CNTNAP3B: variants seen among roughly 807,000 people sequenced by gnomAD.
CNTNAP3B encodes contactin associated protein family member 3B.
Under a neutral mutation model 108.9 loss-of-function variants are expected in CNTNAP3B, and 25 were observed. The ratio of observed to expected loss-of-function variants is 0.23; its 90% CI spans 0.17 to 0.32. The LOEUF is 0.32. Among genes scored for constraint, CNTNAP3B ranks in the 10% least tolerant of loss-of-function variants. The pLI is 1.00. For missense variants in CNTNAP3B, 252 were observed against 1,210.4 expected (o/e 0.21, Z 11.75); for synonymous variants, 103 against 473.4 (o/e 0.22, Z 10.16).
intron 14 of CNTNAP3B, among the ~76,000 whole-genome samples, chr9:41,933,473 T>C (rs1369166712): frequency 1.1e-4 from 16 of 152,144 alleles, no homozygotes; most frequent in Admixed American, 1.0e-3. Flanking sequence ...GAATAAGTTT[T>C]GTAATTTTTT....
At position 42,129,167 on chromosome 9, in the gene CNTNAP3B, C is replaced by T. The variant is rs1828634851; in HGVS notation, c.-73G>A. 1.3e-5 allele frequency: 20 copies of T among 1,493,052 alleles called. 1 individual carries two copies. Among genetic ancestry groups the T allele is most frequent in the East Asian group, 7.7e-5 (3 of 38,774 alleles). 92.5% of individuals were successfully genotyped at this position (1,493,052 alleles called of 1,614,324 possible). ...TCTGCGTCGTTCCTGCTCTCACTCC[C>T]GCTCTCACTCCCGTCCCCTGCGCGG... On this transcript the variant is annotated 5_prime_UTR_variant, in exon 1 of 24. Coordinates refer to ENST00000377561, the MANE Select transcript of CNTNAP3B (RefSeq NM_001201380.3).
intron 13 of CNTNAP3B, among the ~76,000 whole-genome samples, chr9:41,941,855 C>T (rs1301891600): frequency 6.6e-6 from 1 of 151,672 alleles, no homozygotes; most frequent in Non-Finnish European, 1.5e-5. Flanking sequence ...AACACACCTT[C>T]AAGAGTTTTA....
chr9:41,959,430 G>A (rs1307639547), intron 12 of CNTNAP3B, among the ~76,000 whole-genome samples: 1 of 152,300 alleles, frequency 6.6e-6, no homozygotes, highest in Non-Finnish European at 1.5e-5. Context: ...CCTACCATTA[G>A]CTAGATTTTG....
chr9:41,961,279 G>A (rs1436231888), intron 11 of CNTNAP3B, among the ~76,000 whole-genome samples: 21 of 152,290 alleles, frequency 1.4e-4, no homozygotes, highest in Admixed American at 1.2e-3. Flanking sequence ...AATGTCTAGA[G>A]ACTGTACTTT....
chr9:41,953,499 T>C (rs1824762754), intron 12 of CNTNAP3B, 113 bp from the exon 13 acceptor site: 37 of 1,294,494 alleles, frequency 2.9e-5, no homozygotes, highest in South Asian at 2.0e-4. Flanking sequence ...CATTACTGCA[T>C]GTTTGCCGCG....
At position 42,063,184 on chromosome 9, in the gene CNTNAP3B, G is replaced by A. The variant is rs1374458551; in HGVS notation, c.390+13685C>T. ...TACTAATTAACATCCTTTTCTTTCA[G>A]CCCGAAGAACTTCCTTTAGCATTTC... On this transcript the variant is annotated intron_variant, in intron 3 of 23. Transcript: ENST00000377561. Among the ~76,000 whole-genome samples, 2 of 129,316 alleles carry A rather than the reference G, an allele frequency of 1.5e-5. 1 individual carries two copies. Among genetic ancestry groups the A allele is most frequent in the Admixed American group, 1.6e-4 (2 of 12,858 alleles). The allele number at this position is 129,316 out of a possible 152,430, so 84.8% of individuals were successfully genotyped here. A position where few individuals can be genotyped will look rare whatever the true frequency, so the allele number is the denominator to read the frequency against.
intron 1 of CNTNAP3B, among the ~76,000 whole-genome samples, chr9:42,125,941 C>T (rs992536870): frequency 2.3e-5 from 3 of 132,344 alleles, no homozygotes; most frequent in Non-Finnish European, 4.8e-5. Context: ...TTATAGAGTA[C>T]CATTTGACAC....
intron 2 of CNTNAP3B, among the ~76,000 whole-genome samples, chr9:42,085,989 T>C (rs1446975754): frequency 7.1e-6 from 1 of 141,662 alleles, no homozygotes; most frequent in Non-Finnish European, 1.5e-5. Context: ...CCAGTTTTTG[T>C]CTACTGTATT....
At chr9:42,123,252 A>G in intron 1 of CNTNAP3B, among the ~76,000 whole-genome samples, 1 of 43,894 alleles carries the variant, frequency 2.3e-5, no homozygotes, top group Non-Finnish European at 5.5e-5. Context: ...AAATAAACAC[A>G]TACTTATAGA....
intron 10 of CNTNAP3B, among the ~76,000 whole-genome samples, chr9:41,965,708 G>T (rs1453944915): frequency 3.3e-5 from 5 of 152,120 alleles, no homozygotes; most frequent in African/African-American, 1.2e-4. Flanking sequence ...CTCACCATGG[G>T]ACCCAGAGAA....
chr9:41,921,730 A>G (rs1213139286), intron 17 of CNTNAP3B, among the ~76,000 whole-genome samples: 142 of 151,968 alleles, frequency 9.3e-4, no homozygotes, highest in African/African-American at 3.2e-3. Flanking sequence ...AAATAAATGG[A>G]GTGCAAGAAC....
At chr9:41,934,126 C>G (rs1436773533) in intron 14 of CNTNAP3B, among the ~76,000 whole-genome samples, 1 of 22,282 alleles carries the variant, frequency 4.5e-5, no homozygotes. Context: ...TATATATACA[C>G]ACACATATAT....
chr9:41,950,410 A>T (rs75125674), intron 13 of CNTNAP3B, among the ~76,000 whole-genome samples: 11 of 138,392 alleles, frequency 7.9e-5, no homozygotes, highest in Non-Finnish European at 9.4e-5. Flanking sequence ...AATGAAAACT[A>T]ATGTTCACAC....
At chr9:41,922,523 C>A (rs1183691677) in intron 17 of CNTNAP3B, among the ~76,000 whole-genome samples, 154 bp downstream of exon 17, 1 of 147,114 alleles carries the variant, frequency 6.8e-6, no homozygotes, top group Non-Finnish European at 1.5e-5. Context: ...AAGAAGCACA[C>A]AGCAAGCTCC....
intron 13 of CNTNAP3B, among the ~76,000 whole-genome samples, chr9:41,938,638 T>C (rs1824233245): frequency 6.6e-6 from 1 of 152,294 alleles, no homozygotes; most frequent in African/African-American, 2.4e-5. Context: ...TTTCTTCTAT[T>C]AGAAATCAGT....
In CNTNAP3B at chr9:42,115,504, T is replaced by A. The variant is rs1828295266; in HGVS notation, c.86-10765A>T. 1.4e-5 allele frequency among the ~76,000 whole-genome samples: 2 copies of A among 139,554 alleles called. 1 individual carries two copies. The highest frequency in any genetic ancestry group is 4.4e-4 in the East Asian group (2 of 4,588). The allele number at this position is 139,554 out of a possible 152,430, so 91.6% of individuals were successfully genotyped here. On this transcript the variant is annotated intron_variant, in intron 1 of 23. Coordinates refer to ENST00000377561, the MANE Select transcript of CNTNAP3B (RefSeq NM_001201380.3). The stretch of plus-strand genomic sequence containing the variant: ...CACCGCATACAGCCAGGTGCCCCTC[T>A]GAGACGAAGCTTCCAGAGGAAGGAT...
Position 42,011,983 on chromosome 9 carries a change from C to T in CNTNAP3B, c.538+1395G>A, listed in dbSNP as rs1277677035. On this transcript the variant is annotated intron_variant, in intron 4 of 23. Coordinates refer to ENST00000377561, the MANE Select transcript of CNTNAP3B (RefSeq NM_001201380.3). ...AACAGCATGTGTTTACAGAAGTTAA[C>T]GGTGCCAGCAGATTGCATGGCAGCT... Among the ~76,000 whole-genome samples the T allele has an allele frequency of 6.1e-5, 6 of 97,852 alleles. 2 individuals carry two copies. In the South Asian group the frequency reaches 9.2e-4, roughly 15 times the overall value. The allele number at this position is 97,852 out of a possible 152,430, so 64.2% of individuals were successfully genotyped here.
At chr9:42,121,948 G>A (rs1233770544) in intron 1 of CNTNAP3B, among the ~76,000 whole-genome samples, 5 of 140,048 alleles carry the variant, frequency 3.6e-5, no homozygotes, top group South Asian at 2.3e-4. Context: ...ATAGCAAACA[G>A]TATGAGCATC....
chr9:41,970,985 G>T (rs1388089283), intron 9 of CNTNAP3B, among the ~76,000 whole-genome samples: 1 of 151,364 alleles, frequency 6.6e-6, no homozygotes. Flanking sequence ...AATAGAAAGA[G>T]ATAAAATAGA....
Sources: allele counts gnomAD v4.1 joint callset (sites outside exome capture counted in the v4.1 genomes callset), GRCh38; gene constraint gnomAD v4.1.1; transcripts MANE v1.5; gene names NCBI Gene and HGNC (gene_info 2026-07-23, HGNC 2026-07-21).